Variants in SYCP2 observed in about 807,000 individuals in gnomAD.
SYCP2 encodes synaptonemal complex protein 2, also known as synaptonemal complex lateral element protein.
Under a neutral mutation model 211.3 loss-of-function variants are expected in SYCP2, and 55 were observed. The observed-to-expected ratio is 0.26, with a 90% CI of 0.21 to 0.33. The LOEUF (loss-of-function observed/expected upper bound fraction) is 0.33, where lower values mean the gene tolerates loss of function less well. SYCP2 is among the 10% of genes least tolerant of loss of function. SYCP2 has a pLI of 1.00. For synonymous variants in SYCP2, 570 were observed against 555.2 expected, an observed-to-expected ratio of 1.03 and a Z score of -0.37; for missense variants, 1,731 against 1,752.0, an observed-to-expected ratio of 0.99 and a Z score of 0.21.
chr20:59,930,635 A>T (rs1430873032), intron 2 of SYCP2, among the ~76,000 whole-genome samples: 1 of 152,202 alleles, frequency 6.6e-6, no homozygotes, highest in Non-Finnish European at 1.5e-5. Context: ...ATATATGTAG[A>T]TCTAGACATG....
chr20:59,907,625 C>A lies in SYCP2; in HGVS notation c.973-201G>T, dbSNP rs892505261. Among the ~76,000 whole-genome samples the A allele has an allele frequency of 8.5e-5, 13 of 152,060 alleles. No individual in the cohort carries two copies. The South Asian group carries it at 2.3e-3, about 27-fold the overall frequency. ...TTAATGTATTTGTTCATTATTAAAA[C>A]GAAATGATGATTTTGACAATTTTCT... is the stretch of plus-strand genomic sequence containing the variant. On this transcript the variant is annotated intron_variant, in intron 14 of 44. Coordinates refer to ENST00000357552, the MANE Select transcript of SYCP2 (RefSeq NM_014258.4).
chr20:59,899,688 T>C (rs2060077277), intron 18 of SYCP2, among the ~76,000 whole-genome samples: 1 of 152,094 alleles, frequency 6.6e-6, no homozygotes, highest in Non-Finnish European at 1.5e-5. Context: ...CAAGGTATGG[T>C]GGTAGGGGTT....
rs919040159 is a variant in SYCP2 at position 59,901,662 on chromosome 20, C to G, written c.1182G>C (p.Arg394Ser). 2.6e-6 allele frequency: 4 copies of G among 1,512,446 alleles called. No individual in the cohort carries two copies. Among genetic ancestry groups the G allele is most frequent in the Non-Finnish European group, 3.6e-6 (4 of 1,108,666 alleles). 93.7% of individuals were successfully genotyped at this position (1,512,446 alleles called of 1,614,324 possible). A position where few individuals can be genotyped will look rare whatever the true frequency, so the allele number is the denominator to read the frequency against. ...TQKIFGATKH[R>S]ESIRKQGISV... ...ATATTTATTAAGTTTAAAGACTTAC[C>G]CTATGTTTAGTTGCACCAAAAATTT... Residue 394 changes from arginine (R) to serine (S), a missense_variant and splice_region_variant, in exon 16 of 45, where the codon AGG becomes AGC. Arg to Ser is a moderately radical substitution (Grantham distance 110). Coordinates refer to ENST00000357552, the MANE Select transcript of SYCP2 (RefSeq NM_014258.4).
intron 15 of SYCP2, among the ~76,000 whole-genome samples, chr20:59,902,446 C>A (rs960146913): frequency 7.9e-5 from 12 of 152,192 alleles, no homozygotes; most frequent in African/African-American, 2.9e-4. Flanking sequence ...TATTATAGAC[C>A]AGAGGCCACC....
At position 59,892,078 on chromosome 20, in the gene SYCP2, G is replaced by T; in HGVS notation, c.2276C>A (p.Ser759Tyr). Residue 759 changes from serine (S) to tyrosine (Y), a missense_variant, in exon 24 of 45, where the codon TCT becomes TAT. Coordinates refer to ENST00000357552, the MANE Select transcript of SYCP2 (RefSeq NM_014258.4). The stretch of plus-strand genomic sequence containing the variant: ...ATGACTTTGCACATTTTTGCTAGCA[G>T]ATGGATTTTTATCGCAAGTAGCAGT... ...VNTATCDKNPSASKNVQSHRK... is the reference protein window; with the variant it reads ...VNTATCDKNPYASKNVQSHRK... 1 of 1,611,658 alleles carries T rather than the reference G, an allele frequency of 6.2e-7. No homozygotes were observed. Among genetic ancestry groups the T allele is most frequent in the Non-Finnish European group, 8.5e-7 (1 of 1,178,780 alleles).
At position 59,869,816 on chromosome 20, in the gene SYCP2, A is replaced by G. The variant is rs763909345; in HGVS notation, c.3723T>C (p.Tyr1241=). The G allele has an allele frequency of 2.4e-5, 39 of 1,604,234 alleles. No individual in the cohort carries two copies. Among genetic ancestry groups the G allele is most frequent in the Non-Finnish European group, 3.2e-5 (37 of 1,173,492 alleles). ...EIESPHINEN[Y]IQSKREESHL... ...CACTTACCTCTCTTTTGCTTTGTAT[A>G]TAATTTTCATTGATATGTGGAGATT... Residue 1241 remains tyrosine (Y), a synonymous_variant, in exon 36 of 45, where the codon TAT becomes TAC. Coordinates refer to ENST00000357552, the MANE Select transcript of SYCP2 (RefSeq NM_014258.4).
At chr20:59,879,332 T>A (rs879467681) in intron 31 of SYCP2, among the ~76,000 whole-genome samples, 1,797 of 152,084 alleles carry the variant, frequency 0.012, 126 homozygotes, top group Admixed American at 0.099. Flanking sequence ...CTTTACTTCC[T>A]CATGTATCTG....
intron 15 of SYCP2, 103 bp downstream of exon 15, chr20:59,907,261 G>A (rs1018877742): frequency 4.2e-6 from 3 of 721,334 alleles, no homozygotes; most frequent in Non-Finnish European, 7.0e-6. Flanking sequence ...TGAAAATATT[G>A]ATTTTGCTTT....
intron 2 of SYCP2, among the ~76,000 whole-genome samples, chr20:59,930,976 T>G (rs2060728762): frequency 6.6e-6 from 1 of 152,220 alleles, no homozygotes; most frequent in Admixed American, 6.5e-5. Flanking sequence ...CATTATAACA[T>G]GATTTTTAAA....
rs748562609 is a variant in SYCP2 at position 59,914,245 on chromosome 20, T to C, written c.641A>G (p.Asp214Gly). 1 of 1,542,262 alleles carries C rather than the reference T, an allele frequency of 6.5e-7. No homozygotes were observed. Among genetic ancestry groups the C allele is most frequent in the South Asian group, 1.2e-5 (1 of 80,224 alleles). ...GERILDAGDYDLQVGIVEALC... is the reference protein window; with the variant it reads ...GERILDAGDYGLQVGIVEALC... ...AGCTTCTACAATGCCTACCTGTAAG[T>C]CATAATCTATTAAAAAAATAGTTAA... Residue 214 changes from aspartate (D) to glycine (G), a missense_variant, in exon 11 of 45, where the codon GAC becomes GGC. Asp to Gly is a moderately conservative substitution (Grantham distance 94). Around this residue, in one of 3 missense-constraint regions of SYCP2, gnomAD observed 335 missense variants for 378.8 expected, o/e 0.88. Transcript: ENST00000357552.
intron 14 of SYCP2, among the ~76,000 whole-genome samples, 163 bp from the exon 15 acceptor site, chr20:59,907,587 A>T (rs752882536): frequency 2.6e-5 from 4 of 152,206 alleles, no homozygotes; most frequent in Admixed American, 6.5e-5. Context: ...ACTACATATT[A>T]CACATGTTAT....
intron 33 of SYCP2, among the ~76,000 whole-genome samples, chr20:59,876,417 A>AAAAAAAAAAAG (rs2059560345): frequency 7.1e-6 from 1 of 140,964 alleles, no homozygotes; most frequent in Non-Finnish European, 1.5e-5. Flanking sequence ...AAAAAGAAGA[A>AAAAAAAAAAAG]GTGATAGAAA....
chr20:59,919,930 T>A (rs961451006), intron 5 of SYCP2, among the ~76,000 whole-genome samples: 9 of 151,726 alleles, frequency 5.9e-5, no homozygotes, highest in African/African-American at 1.9e-4. Context: ...TGTTACTATA[T>A]GAAAAGTTTT....
chr20:59,867,967 T>C, intron 38 of SYCP2, 120 bp from the exon 39 acceptor site: 3 of 686,658 alleles, frequency 4.4e-6, no homozygotes, highest in Middle Eastern at 3.6e-4. Context: ...CTAAGGATTA[T>C]GAAATCAAAG....
chr20:59,889,040 C>T (rs968921573), intron 24 of SYCP2, among the ~76,000 whole-genome samples: 9 of 151,960 alleles, frequency 5.9e-5, no homozygotes, highest in African/African-American at 2.2e-4. Flanking sequence ...GTCAAGATGT[C>T]AGTTCTTCCT....
In SYCP2 at chr20:59,892,552, T is replaced by A; in HGVS notation, c.1927+16A>T. ...TTAACACTGAACTATTACATATAGATAAAACTAAGTTTCACCTTGATTCAA... is the reference window on the plus strand; with the variant it reads ...TTAACACTGAACTATTACATATAGAAAAAACTAAGTTTCACCTTGATTCAA... On this transcript the variant is annotated intron_variant, in intron 23 of 44. Transcript: ENST00000357552. 1.3e-6 allele frequency: 2 copies of A among 1,596,674 alleles called. No homozygotes were observed. Among genetic ancestry groups the A allele is most frequent in the Non-Finnish European group, 1.7e-6 (2 of 1,174,182 alleles).
chr20:59,930,025 A>AT (rs2060706060), intron 2 of SYCP2, among the ~76,000 whole-genome samples: 1 of 152,104 alleles, frequency 6.6e-6, no homozygotes, highest in African/African-American at 2.4e-5. Context: ...TATGCGCTCT[A>AT]TATAGTGTAA....
chr20:59,885,585 G>A (rs1226068251), intron 26 of SYCP2, among the ~76,000 whole-genome samples: 1 of 151,914 alleles, frequency 6.6e-6, no homozygotes, highest in Admixed American at 6.6e-5. Context: ...AAACAAAATT[G>A]GAACTTCAGT....
chr20:59,896,707 T>G (rs2089929962), intron 18 of SYCP2, among the ~76,000 whole-genome samples, 179 bp from the exon 19 acceptor site: 1 of 152,160 alleles, frequency 6.6e-6, no homozygotes, highest in Non-Finnish European at 1.5e-5. Context: ...CATCTTCATG[T>G]TTGGTATTAA....
Sources: allele counts gnomAD v4.1 joint callset (sites outside exome capture counted in the v4.1 genomes callset), GRCh38; gene constraint gnomAD v4.1.1; regional missense constraint gnomAD v4.1.1; transcripts MANE v1.5; gene names NCBI Gene and HGNC (gene_info 2026-07-23, HGNC 2026-07-21).